Variants in NUDT1 observed in about 807,000 individuals in gnomAD.
The protein encoded by NUDT1 is oxidized purine nucleoside triphosphate hydrolase.
Under a neutral mutation model 11.3 loss-of-function variants are expected in NUDT1, and 16 were observed. That is an observed-to-expected ratio of 1.41 (90% CI 0.96 to 2.15). The LOEUF is 2.15. Among genes scored for constraint, NUDT1 ranks in the 30% most tolerant of loss-of-function variants. The probability of loss-of-function intolerance (pLI) is 0.00; values close to 1 mark genes in which losing one functional copy is unlikely to be tolerated. For missense variants in NUDT1, 234 were observed against 208.4 expected (o/e 1.12, Z -0.76); for synonymous variants, 101 against 84.4 (o/e 1.20, Z -1.08).
rs2115065067 is a variant in NUDT1 at position 2,249,771 on chromosome 7, A to G, written c.153-86A>G. On this transcript the variant is annotated intron_variant, in intron 2 of 3. Coordinates refer to ENST00000356714, the MANE Select transcript of NUDT1 (RefSeq NM_002452.4). ...CCTGGTGGCTCCCTGGGCTGTGTGT[A>G]GATGCCCAGCTCCTCCTCCCTGCCA... 5 of 1,560,300 alleles carry G rather than the reference A, an allele frequency of 3.2e-6. No homozygotes were observed. In the South Asian group the frequency reaches 4.5e-5, roughly 14 times the overall value.
rs758901294 is a variant in NUDT1, at chr7:2,249,886, T to C, written c.182T>C (p.Val61Ala). The C allele has an allele frequency of 6.8e-6, 11 of 1,613,920 alleles. No individual in the cohort carries two copies. In the African/African-American group the frequency reaches 1.2e-4, roughly 18 times the overall value. ...CTGCAGGAGGAGAGCGGTCTGACAGTGGACGCCCTGCACAAGGTGGGCCAG... is the reference window on the plus strand; with the variant it reads ...CTGCAGGAGGAGAGCGGTCTGACAGCGGACGCCCTGCACAAGGTGGGCCAG... ...RELQEESGLT[V>A]DALHKVGQIV... The change falls in exon 3 of 4, where the codon GTG becomes GCG. Residue 61 changes from valine (V) to alanine (A), a missense_variant. Coordinates refer to ENST00000356714, the MANE Select transcript of NUDT1 (RefSeq NM_002452.4).
At chr7:2,250,762 A>G in intron 3 of NUDT1, 67 bp from the exon 4 acceptor site, 2 of 1,605,528 alleles carry the variant, frequency 1.2e-6, no homozygotes, top group Non-Finnish European at 1.7e-6. Flanking sequence ...CCGGCCAAAA[A>G]AAACATGTTT....
chr7:2,245,064 C>T (rs1794718564), intron 2 of NUDT1, among the ~76,000 whole-genome samples: 1 of 152,192 alleles, frequency 6.6e-6, no homozygotes, highest in African/African-American at 2.4e-5. Flanking sequence ...ACCCTCCCAG[C>T]ACCCTCACTG....
Position 2,244,815 on chromosome 7 carries a change from A to G in NUDT1, c.152+89A>G. The G allele has an allele frequency of 4.0e-6, 6 of 1,485,518 alleles. No homozygotes were observed. The South Asian group carries it at 6.2e-5, about 15-fold the overall frequency. 92.0% of individuals were successfully genotyped at this position (1,485,518 alleles called of 1,614,324 possible). A position where few individuals can be genotyped will look rare whatever the true frequency, so the allele number is the denominator to read the frequency against. On this transcript the variant is annotated intron_variant, in intron 2 of 3. Transcript: ENST00000356714. ...GGGCCACACCCTTGGTTTCACCACT[A>G]AGAGCTAAGTGACCTGGAGCAGGGG...
Position 2,249,967 on chromosome 7 carries a change from C to G in NUDT1, c.263C>G (p.Thr88Arg). 6.2e-7 allele frequency: 1 copy of G among 1,614,184 alleles called. No individual in the cohort carries two copies. Among genetic ancestry groups the G allele is most frequent in the African/African-American group, 1.3e-5 (1 of 75,062 alleles). ...PELMDVHVFC[T>R]DSIQGTPVES... ...CTCATGGACGTGCATGTCTTCTGCA[C>G]AGACAGCATCCAGGGGACCCCCGTG... The change falls in exon 3 of 4, where the codon ACA (threonine) becomes AGA (arginine). Residue 88 changes from threonine to arginine, a missense_variant. Transcript: ENST00000356714.
rs117077349 is a variant in NUDT1, at chr7:2,247,832, G to A, written c.153-2025G>A. ...AATCAGTCACAATATCCCACTGGGA[G>A]GTGACGCTTTTTAAGACGAGCAACA... is the stretch of plus-strand genomic sequence containing the variant. On this transcript the variant is annotated intron_variant, in intron 2 of 3. Coordinates refer to ENST00000356714, the MANE Select transcript of NUDT1 (RefSeq NM_002452.4). 3.4e-3 allele frequency among the ~76,000 whole-genome samples: 519 copies of A among 152,344 alleles called. 9 individuals are homozygous for A. The highest frequency in any genetic ancestry group is 0.014 in the East Asian group (75 of 5,182).
chr7:2,247,864 C>T (rs1376492980), intron 2 of NUDT1, among the ~76,000 whole-genome samples: 4 of 152,346 alleles, frequency 2.6e-5, no homozygotes, highest in Non-Finnish European at 5.9e-5. Context: ...AACAGCCGGC[C>T]GCCAAGAGGC....
At chr7:2,246,127 C>T (rs1054795048) in intron 2 of NUDT1, among the ~76,000 whole-genome samples, 1 of 152,182 alleles carries the variant, frequency 6.6e-6, no homozygotes, top group Non-Finnish European at 1.5e-5. Flanking sequence ...AAGGTGGCCC[C>T]GGGGGTTCTC....
At chr7:2,244,441 A>C in intron 1 of NUDT1, 122 bp from the exon 2 acceptor site, 1 of 919,370 alleles carries the variant, frequency 1.1e-6, no homozygotes, top group Non-Finnish European at 1.6e-6. Context: ...AGGGCTGGGG[A>C]GTTACAGCAT....
intron 1 of NUDT1, chr7:2,242,460 A>T: frequency 4.1e-6 from 2 of 488,112 alleles, no homozygotes; most frequent in Non-Finnish European, 3.6e-6. Flanking sequence ...AGAGACAAGG[A>T]GAGCGGGGCG....
chr7:2,250,296 A>C (rs561977481), intron 3 of NUDT1, among the ~76,000 whole-genome samples: 1 of 152,306 alleles, frequency 6.6e-6, no homozygotes, highest in African/African-American at 2.4e-5. Context: ...TCAGAGAGTC[A>C]GTGTACGTTT....
At position 2,242,274 on chromosome 7, in the gene NUDT1, G is replaced by C; in HGVS notation, c.-13+18G>C. ...CGGTGCAGGTACGAAAAGCGCGCGC[G>C]GGGATTCCAGGAGTCGTGGTGACCA... On this transcript the variant is annotated intron_variant, in intron 1 of 3. Coordinates refer to ENST00000356714, the MANE Select transcript of NUDT1 (RefSeq NM_002452.4). The C allele has an allele frequency of 1.7e-6, 2 of 1,158,572 alleles. No homozygotes were observed. Among genetic ancestry groups the C allele is most frequent in the Non-Finnish European group, 2.4e-6 (2 of 849,134 alleles). The allele number at this position is 1,158,572 out of a possible 1,614,324, so 71.8% of individuals were successfully genotyped here. A position where few individuals can be genotyped will look rare whatever the true frequency, so the allele number is the denominator to read the frequency against.
At chr7:2,246,808 G>T (rs1345551595) in intron 2 of NUDT1, among the ~76,000 whole-genome samples, 2 of 152,150 alleles carry the variant, frequency 1.3e-5, no homozygotes, top group Non-Finnish European at 2.9e-5. Context: ...TGGAGACGGG[G>T]GTTTCACCAT....
chr7:2,250,709 C>G (rs576000067), intron 3 of NUDT1, 120 bp from the exon 4 acceptor site: 3 of 761,270 alleles, frequency 3.9e-6, no homozygotes, highest in African/African-American at 3.3e-5. Flanking sequence ...CCTCCCGCCT[C>G]GGCCTCCCAA....
chr7:2,250,691 C>A (rs1210209001), intron 3 of NUDT1, 138 bp from the exon 4 acceptor site: 2 of 611,534 alleles, frequency 3.3e-6, no homozygotes, highest in Non-Finnish European at 5.9e-6. Flanking sequence ...ATCTCCTGAC[C>A]TCGTGATCCT....
At chr7:2,251,145 GGTT>G, downstream of NUDT1, 1 of 651,744 alleles carries the variant, frequency 1.5e-6, no homozygotes, top group Non-Finnish European at 2.5e-6. Context: ...ATCTAGCGGT[GGTT>G]TTTTTTTTTT....
At chr7:2,250,082 C>T in intron 3 of NUDT1, 80 bp downstream of exon 3, 1 of 1,577,054 alleles carries the variant, frequency 6.3e-7, no homozygotes, top group African/African-American at 1.3e-5. Context: ...TCCGCCCAAA[C>T]CATCTCTGAG....
chr7:2,246,091 G>A (rs2115057101), intron 2 of NUDT1, among the ~76,000 whole-genome samples: 1 of 152,310 alleles, frequency 6.6e-6, no homozygotes, highest in South Asian at 2.1e-4. Context: ...AGTGTGTGCA[G>A]AGCGACCACA....
rs770220369 is a variant in NUDT1, at chr7:2,250,957, G to T, written c.427G>T (p.Asp143Tyr). 2 of 1,613,722 alleles carry T rather than the reference G, an allele frequency of 1.2e-6. No homozygotes were observed. Among genetic ancestry groups the T allele is most frequent in the Non-Finnish European group, 1.7e-6 (2 of 1,179,900 alleles). Reference protein sequence around the residue: ...FHGYFKFQGQDTILDYTLREV... With the variant: ...FHGYFKFQGQYTILDYTLREV... ...CGGGTACTTCAAGTTCCAGGGTCAG[G>T]ACACCATCCTGGACTACACACTCCG... Residue 143 changes from aspartate (D) to tyrosine (Y), a missense_variant, in exon 4 of 4, where the codon GAC becomes TAC. By Grantham distance (160) the Asp-to-Tyr change is radical (BLOSUM62 -3). Coordinates refer to ENST00000356714, the MANE Select transcript of NUDT1 (RefSeq NM_002452.4).
Sources: gnomAD v4.1 joint callset for allele counts (sites outside exome capture counted in the v4.1 genomes callset) on GRCh38, gnomAD v4.1.1 for gene constraint, MANE v1.5 for transcripts, NCBI Gene and HGNC (gene_info 2026-07-23, HGNC 2026-07-21) for gene names.